The following NEURL4 variants were observed in gnomAD, a reference collection of about 807,000 sequenced individuals.
NEURL4 encodes the protein neuralized-like protein 4.
Under a neutral mutation model 148.0 loss-of-function variants are expected in NEURL4, and 45 were observed. The ratio of observed to expected loss-of-function variants is 0.30; its 90% CI spans 0.24 to 0.39. The LOEUF is 0.39. Among genes scored for constraint, NEURL4 ranks in the 10% least tolerant of loss-of-function variants. NEURL4 has a pLI of 1.00. For missense variants in NEURL4, 1,776 were observed against 2,144.0 expected (o/e 0.83, Z 3.39); for synonymous variants, 854 against 869.0 (o/e 0.98, Z 0.30).
Position 7,318,221 on chromosome 17 carries a change from A to AG in NEURL4, c.3952+47dup. 6.2e-7 allele frequency: 1 copy of AG among 1,611,116 alleles called. No individual in the cohort carries two copies. The highest frequency in any genetic ancestry group is 1.6e-4 in the Middle Eastern group (1 of 6,062). On this transcript the variant is annotated intron_variant, in intron 24 of 28. Coordinates refer to ENST00000399464, the MANE Select transcript of NEURL4 (RefSeq NM_032442.3). This position sits in a 1 kb window ranked among gnomAD's most constrained non-coding sequence, Gnocchi z 4.3. ...TCACAGGAGCTGGGCTAGAAGGGTG[A>AG]GGGTGGGGGAGTAGGGGCAGGAGCT...
chr17:7,317,560 G>T lies in NEURL4; in HGVS notation c.4219C>A (p.Leu1407Met). Reference protein sequence around the residue: ...CRFNLRVNPRLEAGTLTKKWH... With the variant: ...CRFNLRVNPRMEAGTLTKKWH... ...TTCTTGGTTAGTGTCCCAGCCTCCA[G>T]GCGGGGATTCACTCTAGGAGGTGGA... The change falls in exon 27 of 29, where the codon CTG becomes ATG. Residue 1407 changes from leucine (L) to methionine (M), a missense_variant. By Grantham distance (15) the Leu-to-Met change is conservative (BLOSUM62 2). Coordinates refer to ENST00000399464, the MANE Select transcript of NEURL4 (RefSeq NM_032442.3). 6.2e-7 allele frequency: 1 copy of T among 1,614,150 alleles called. No individual in the cohort carries two copies. The highest frequency in any genetic ancestry group is 1.1e-5 in the South Asian group (1 of 91,078).
chr17:7,325,051 A>G, intron 8 of NEURL4, 71 bp from the exon 9 acceptor site: 1 of 1,583,450 alleles, frequency 6.3e-7, no homozygotes, highest in Non-Finnish European at 8.6e-7. Flanking sequence ...TAGCCCAGCA[A>G]TGCCTGCCAA....
chr17:7,323,496 T>C lies in NEURL4; in HGVS notation c.2406A>G (p.Thr802=), dbSNP rs751633796. Residue 802 remains threonine, a synonymous_variant, in exon 14 of 29, where the codon ACA becomes ACG. Transcript: ENST00000399464. ...PNTMTDIDYD[T]WMLSGTAIMQ... is the part of the protein sequence containing the mutation. Reference sequence around the variant, plus strand: ...GCAGGAAGCCCAACCTCAGCATCCATGTGTCATAGTCAATGTCTGTCATGG... The same window carrying C: ...GCAGGAAGCCCAACCTCAGCATCCACGTGTCATAGTCAATGTCTGTCATGG... The C allele has an allele frequency of 6.2e-6, 10 of 1,613,988 alleles. No individual in the cohort carries two copies. Among genetic ancestry groups the C allele is most frequent in the Non-Finnish European group, 7.6e-6 (9 of 1,179,966 alleles).
Position 7,323,654 on chromosome 17 carries a change from A to G in NEURL4, c.2331T>C (p.Ile777=), listed in dbSNP as rs1385700473. 2 of 1,613,600 alleles carry G rather than the reference A, an allele frequency of 1.2e-6. No individual in the cohort carries two copies. The highest frequency in any genetic ancestry group is 2.2e-5 in the East Asian group (1 of 44,840). Residue 777 remains isoleucine, a synonymous_variant, in exon 13 of 29, where the codon ATT becomes ATC. Coordinates refer to ENST00000399464, the MANE Select transcript of NEURL4 (RefSeq NM_032442.3). ...CACACAGACGGCCCTCACCAGCCTC[A>G]ATGGAGCCTGACCAGCGGTCCACCA... ...QKMVDRWSGS[I]EAGVTAIRPE...
Position 7,321,785 on chromosome 17 carries a change from C to T in NEURL4, c.2874G>A (p.Val958=), listed in dbSNP as rs2073037657. 6.2e-7 allele frequency: 1 copy of T among 1,613,130 alleles called. No individual in the cohort carries two copies. Among genetic ancestry groups the T allele is most frequent in the Non-Finnish European group, 8.5e-7 (1 of 1,179,642 alleles). Residue 958 remains valine (V), a splice_region_variant and synonymous_variant, in exon 18 of 29, where the codon GTG becomes GTA. Transcript: ENST00000399464. This position sits in a 1 kb window ranked among gnomAD's most constrained non-coding sequence, Gnocchi z 6.3. ...ACTTCTCATCTAGCTCTTCCACTTT[C>T]ACCTACGAGACAGAGAAAACATAAG... ...KELRAEEVFE[V]KVEELDEKWA...
In NEURL4 at chr17:7,315,667, G is replaced by C. The variant is rs1043791; in HGVS notation, c.*456C>G. On this transcript the variant is annotated 3_prime_UTR_variant, in exon 29 of 29. Transcript: ENST00000399464. ...GTGTTTATTGGCTCCTTAGAAATCA[G>C]AGTCAGTAACAACTGTACAGAGGCC... 5.0e-6 allele frequency: 2 copies of C among 403,350 alleles called. No homozygotes were observed. Among genetic ancestry groups the C allele is most frequent in the African/African-American group, 4.1e-5 (2 of 48,610 alleles). The allele number at this position is 403,350 out of a possible 1,614,324, so 25.0% of individuals were successfully genotyped here.
chr17:7,323,993 T>C lies in NEURL4; in HGVS notation c.2082A>G (p.Glu694=), dbSNP rs200419395. The change falls in exon 12 of 29, where the codon GAA becomes GAG. Residue 694 remains glutamate (E), a synonymous_variant. Transcript: ENST00000399464. ...CCTGGTTGTTCCCCTCAGGGAGTGGTTCAGGAACTGGAGCCACCTCTGTAA... is the reference window on the plus strand; with the variant it reads ...CCTGGTTGTTCCCCTCAGGGAGTGGCTCAGGAACTGGAGCCACCTCTGTAA... ...VDDVEVAPVP[E]PLPEGNNQVS... The C allele has an allele frequency of 4.3e-3, 6,901 of 1,610,370 alleles. 21 individuals are homozygous for C. Among genetic ancestry groups the C allele is most frequent in the Non-Finnish European group, 5.2e-3 (6,121 of 1,179,988 alleles).
Position 7,317,951 on chromosome 17 carries a change from C to T in NEURL4, c.4061-19G>A, listed in dbSNP as rs933124738. 1.9e-6 allele frequency: 3 copies of T among 1,614,122 alleles called. No homozygotes were observed. The highest frequency in any genetic ancestry group is 1.7e-6 in the Non-Finnish European group (2 of 1,179,970). On this transcript the variant is annotated intron_variant, in intron 25 of 28. Transcript: ENST00000399464. ...TAATCTTCTGCGGGACAGTGAGTAG[C>T]AGGCTTGGTGCTGTGGCTCCCACCT...
In NEURL4 at chr17:7,315,739, C is replaced by T. The variant is rs1327663370; in HGVS notation, c.*384G>A. 1.3e-5 allele frequency: 6 copies of T among 458,274 alleles called. No homozygotes were observed. Among genetic ancestry groups the T allele is most frequent in the Non-Finnish European group, 2.3e-5 (6 of 260,060 alleles). The allele number at this position is 458,274 out of a possible 1,614,324, so 28.4% of individuals were successfully genotyped here. ...CTTCCCCACTCCCGCCCGGTGGCCC[C>T]GGAAAAAGCAGCTTCATGTGGGCAC... On this transcript the variant is annotated 3_prime_UTR_variant, in exon 29 of 29. Transcript: ENST00000399464.
At chr17:7,325,580 G>A (rs1324222689) in intron 7 of NEURL4, 61 bp downstream of exon 7, 3 of 1,587,282 alleles carry the variant, frequency 1.9e-6, no homozygotes, top group Non-Finnish European at 2.6e-6. Context: ...ATGAGGTACA[G>A]CCCCCAGTCC....
chr17:7,323,492 T>C lies in NEURL4; in HGVS notation c.2410A>G (p.Met804Val). The change falls in exon 14 of 29, where the codon ATG becomes GTG. Residue 804 changes from methionine (M) to valine (V), a missense_variant. Met to Val is a conservative substitution (Grantham distance 21). Coordinates refer to ENST00000399464, the MANE Select transcript of NEURL4 (RefSeq NM_032442.3). ...CAAAGCAGGAAGCCCAACCTCAGCA[T>C]CCATGTGTCATAGTCAATGTCTGTC... Reference protein sequence around the residue: ...TMTDIDYDTWMLSGTAIMQDG... With the variant: ...TMTDIDYDTWVLSGTAIMQDG... 1 of 1,614,158 alleles carries C rather than the reference T, an allele frequency of 6.2e-7. No homozygotes were observed. The highest frequency in any genetic ancestry group is 8.5e-7 in the Non-Finnish European group (1 of 1,180,006).
rs2073079500 is a variant in NEURL4 at position 7,324,804 on chromosome 17, C to T, written c.1808G>A (p.Arg603His). 4 of 1,613,992 alleles carry T rather than the reference C, an allele frequency of 2.5e-6. No individual in the cohort carries two copies. Among genetic ancestry groups the T allele is most frequent in the Admixed American group, 1.7e-5 (1 of 60,004 alleles). ...LQLPSTMTNL[R>H]SGTWMMTGNG... ...TGCCCTTCCTGGGAGCTCACCAGAG[C>T]GCAAGTTGGTCATGGTGGAGGGCAA... is the stretch of plus-strand genomic sequence containing the variant. The change falls in exon 9 of 29, where the codon CGC (arginine) becomes CAC (histidine). Residue 603 changes from arginine (R) to histidine (H), a missense_variant. Transcript: ENST00000399464. The surrounding 1 kb of genome is among the most constrained non-coding windows in gnomAD (Gnocchi z 5.9).
chr17:7,322,107 G>A lies in NEURL4; in HGVS notation c.2726-97C>T, dbSNP rs889520027. ...CTTTCAGATGAAACGAAATGGGGAT[G>A]CCAACGCCCCATCTGCCATCTGCCA... On this transcript the variant is annotated intron_variant, in intron 16 of 28. Transcript: ENST00000399464. The surrounding 1 kb of genome is among the most constrained non-coding windows in gnomAD (Gnocchi z 5.5). 57 of 1,335,182 alleles carry A rather than the reference G, an allele frequency of 4.3e-5. No homozygotes were observed. Among genetic ancestry groups the A allele is most frequent in the Non-Finnish European group, 5.1e-5 (50 of 981,824 alleles). 82.7% of individuals were successfully genotyped at this position (1,335,182 alleles called of 1,614,324 possible).
intron 28 of NEURL4, 67 bp downstream of exon 28, chr17:7,317,138 G>A (rs1406122156): frequency 1.8e-4 from 219 of 1,201,680 alleles, no homozygotes; most frequent in South Asian, 2.0e-5. Flanking sequence ...GAAGACCCCA[G>A]TGGCTGCGCT....
Position 7,327,285 on chromosome 17 carries a change from C to A in NEURL4, c.728-55G>T. The A allele has an allele frequency of 6.6e-7, 1 of 1,519,102 alleles. No homozygotes were observed. 94.1% of individuals were successfully genotyped at this position (1,519,102 alleles called of 1,614,324 possible). ...AAGGGTTCAGTCCCTGCTTCACGGC[C>A]CATAGCCAGGAGAACCCCCCATCCT... is the stretch of plus-strand genomic sequence containing the variant. On this transcript the variant is annotated intron_variant, in intron 2 of 28. Transcript: ENST00000399464. This position sits in a 1 kb window ranked among gnomAD's most constrained non-coding sequence, Gnocchi z 6.6.
In NEURL4 at chr17:7,327,948, T is replaced by A; in HGVS notation, c.283-64A>T. On this transcript the variant is annotated intron_variant, in intron 1 of 28. Coordinates refer to ENST00000399464, the MANE Select transcript of NEURL4 (RefSeq NM_032442.3). The surrounding 1 kb of genome is among the most constrained non-coding windows in gnomAD (Gnocchi z 6.6). ...ACCCCCCATTCCACAGGCCACCATA[T>A]CTTCCCACCTCTCAGACAGCTAGCT... is the stretch of plus-strand genomic sequence containing the variant. 7.9e-7 allele frequency: 1 copy of A among 1,264,628 alleles called. No homozygotes were observed. 78.3% of individuals were successfully genotyped at this position (1,264,628 alleles called of 1,614,324 possible). A position where few individuals can be genotyped will look rare whatever the true frequency, so the allele number is the denominator to read the frequency against.
Position 7,321,487 on chromosome 17 carries a change from C to T in NEURL4, c.3100-28G>A, listed in dbSNP as rs369057630. 4.3e-5 allele frequency: 70 copies of T among 1,613,362 alleles called. No homozygotes were observed. The African/African-American group carries it at 5.6e-4, about 13-fold the overall frequency. The stretch of plus-strand genomic sequence containing the variant: ...AGGACCGAGGTAGGACAAGGACGGA[C>T]GATGTTCAGCCCACCTCTCCCTGCC... On this transcript the variant is annotated intron_variant, in intron 18 of 28. Transcript: ENST00000399464. This position sits in a 1 kb window ranked among gnomAD's most constrained non-coding sequence, Gnocchi z 6.3.
At chr17:7,325,968 C>T (rs2073098950) in intron 6 of NEURL4, among the ~76,000 whole-genome samples, 1 of 152,172 alleles carries the variant, frequency 6.6e-6, no homozygotes, top group South Asian at 2.1e-4. Context: ...TACTCGTAGG[C>T]TCATTTTAGA....
intron 8 of NEURL4, 55 bp downstream of exon 8, chr17:7,325,145 GCCCCGCCCC>G: frequency 1.2e-6 from 1 of 830,664 alleles, no homozygotes; most frequent in Non-Finnish European, 1.8e-6. Flanking sequence ...CCACTTCCTT[GCCCCGCCCC>G]CCCCCCCCCA....
Sources: gnomAD v4.1 joint callset for allele counts (sites outside exome capture counted in the v4.1 genomes callset) on GRCh38, gnomAD v4.1.1 for gene constraint, Gnocchi (gnomAD v3.1) non-coding constraint, MANE v1.5 for transcripts, NCBI Gene and HGNC (gene_info 2026-07-23, HGNC 2026-07-21) for gene names.